SEMA6D: variants seen among roughly 807,000 people sequenced by gnomAD.
SEMA6D encodes semaphorin 6D.
In SEMA6D, 35 loss-of-function variants were observed where a neutral mutation model predicts 106.6. The ratio of observed to expected loss-of-function variants is 0.33; its 90% CI spans 0.25 to 0.44. The LOEUF (loss-of-function observed/expected upper bound fraction) is 0.44. Among genes scored for constraint, SEMA6D ranks in the 20% least tolerant of loss-of-function variants. The probability of loss-of-function intolerance (pLI) is 1.00; values close to 1 mark genes in which losing one functional copy is unlikely to be tolerated. For missense variants in SEMA6D, 1,185 were observed against 1,345.9 expected, an observed-to-expected ratio of 0.88 and a Z score of 1.87; for synonymous variants, 499 against 487.7, an observed-to-expected ratio of 1.02 and a Z score of -0.31.
chr15:47,249,765 T>C (rs899514688), intron 1 of SEMA6D, among the ~76,000 whole-genome samples: 3 of 152,160 alleles, frequency 2.0e-5, no homozygotes, highest in African/African-American at 7.2e-5. Flanking sequence ...GGAAAAATAT[T>C]CTGTGAGCAG....
intron 4 of SEMA6D, among the ~76,000 whole-genome samples, chr15:47,690,668 G>A (rs2078566651): frequency 6.6e-6 from 1 of 152,120 alleles, no homozygotes; most frequent in African/African-American, 2.4e-5. Flanking sequence ...AGTTCCCAGT[G>A]TCAAAAATTT....
At chr15:47,649,509 G>T (rs2077645230) in intron 4 of SEMA6D, among the ~76,000 whole-genome samples, 1 of 152,138 alleles carries the variant, frequency 6.6e-6, no homozygotes. Flanking sequence ...AGGTGTTGTG[G>T]CATGTGCCTG....
At chr15:47,720,235 G>T (rs536941655) in intron 1 of SEMA6D, among the ~76,000 whole-genome samples, 11 of 140,416 alleles carry the variant, frequency 7.8e-5, no homozygotes, top group African/African-American at 2.6e-4. Context: ...CTTATTCCTC[G>T]TAGGGATGCT....
intron 1 of SEMA6D, among the ~76,000 whole-genome samples, chr15:47,367,993 G>A (rs2039124491): frequency 6.6e-6 from 1 of 151,268 alleles, no homozygotes; most frequent in Non-Finnish European, 1.5e-5. Flanking sequence ...AGAACATTTG[G>A]TGTGTGACTT....
chr15:47,332,713 A>G (rs2037390416), intron 1 of SEMA6D, among the ~76,000 whole-genome samples: 2 of 152,174 alleles, frequency 1.3e-5, no homozygotes. Flanking sequence ...CCTGGCCGTG[A>G]TCTTAAGAGC....
At chr15:47,595,551 T>C (rs1362035542) in intron 3 of SEMA6D, among the ~76,000 whole-genome samples, 1 of 152,206 alleles carries the variant, frequency 6.6e-6, no homozygotes, top group Non-Finnish European at 1.5e-5. Flanking sequence ...TTTTCTTTTA[T>C]TGTAATGTCT....
At chr15:47,227,882 C>CATATATATTTTATATATATATGAATCTT (rs2031855777) in intron 1 of SEMA6D, among the ~76,000 whole-genome samples, 1 of 100,172 alleles carries the variant, frequency 1.0e-5, no homozygotes, top group African/African-American at 4.6e-5. Context: ...ATATAAGAAT[C>CATATATATTTTATATATATATGAATCTT]ATATATATTT....
At chr15:47,726,225 G>T (rs1487642385) in intron 1 of SEMA6D, among the ~76,000 whole-genome samples, 1 of 152,252 alleles carries the variant, frequency 6.6e-6, no homozygotes, top group Non-Finnish European at 1.5e-5. Context: ...ATGTGCCATG[G>T]CACAGTGCCT....
chr15:47,377,677 A>G (rs955393386), intron 1 of SEMA6D, among the ~76,000 whole-genome samples: 1 of 152,230 alleles, frequency 6.6e-6, no homozygotes, highest in Non-Finnish European at 1.5e-5. Flanking sequence ...TGGCTGAGTC[A>G]GAAGCAGGAA....
chr15:47,315,101 C>T (rs1462477657), intron 1 of SEMA6D, among the ~76,000 whole-genome samples: 3 of 151,684 alleles, frequency 2.0e-5, no homozygotes, highest in Non-Finnish European at 2.9e-5. Flanking sequence ...CTCCTGACCT[C>T]GTGATCCGCC....
chr15:47,760,529 T>G (rs1271118800), intron 3 of SEMA6D, 114 bp downstream of exon 3: 1 of 754,728 alleles, frequency 1.3e-6, no homozygotes, highest in East Asian at 2.7e-5. Flanking sequence ...AAATTGCAAG[T>G]AGCCAGAAAT....
At chr15:47,483,320 G>C (rs1236526029) in intron 3 of SEMA6D, among the ~76,000 whole-genome samples, 1 of 152,160 alleles carries the variant, frequency 6.6e-6, no homozygotes, top group African/African-American at 2.4e-5. Context: ...TAGGAGACCA[G>C]AGACTGATCA....
chr15:47,330,188 C>T (rs752938264), intron 1 of SEMA6D, among the ~76,000 whole-genome samples: 5 of 152,034 alleles, frequency 3.3e-5, no homozygotes, highest in African/African-American at 1.2e-4. Flanking sequence ...CTTGGTCTTG[C>T]CTAGGACTGA....
chr15:47,368,791 T>A (rs2039159100), intron 1 of SEMA6D, among the ~76,000 whole-genome samples: 1 of 152,224 alleles, frequency 6.6e-6, no homozygotes, highest in Non-Finnish European at 1.5e-5. Context: ...TGGAGAGTCA[T>A]CTGATCAAAA....
At chr15:47,529,138 T>C (rs1304688199) in intron 3 of SEMA6D, among the ~76,000 whole-genome samples, 2 of 152,288 alleles carry the variant, frequency 1.3e-5, no homozygotes, top group African/African-American at 2.4e-5. Flanking sequence ...AAGAAAATTA[T>C]TAAGAAAAGC....
At chr15:47,636,976 T>A (rs1244498277) in intron 4 of SEMA6D, among the ~76,000 whole-genome samples, 2 of 152,062 alleles carry the variant, frequency 1.3e-5, no homozygotes, top group African/African-American at 4.8e-5. Context: ...CCTGATGAAA[T>A]TTGTGTTTTT....
At chr15:47,504,794 G>A (rs1359251075) in intron 3 of SEMA6D, among the ~76,000 whole-genome samples, 1 of 152,224 alleles carries the variant, frequency 6.6e-6, no homozygotes, top group Non-Finnish European at 1.5e-5. Flanking sequence ...AGAGGAAGAG[G>A]CTAATTTGGA....
At chr15:47,664,849 T>C (rs970691052) in intron 4 of SEMA6D, among the ~76,000 whole-genome samples, 1 of 152,180 alleles carries the variant, frequency 6.6e-6, no homozygotes, top group Non-Finnish European at 1.5e-5. Context: ...CTGCATGCAG[T>C]TCATAGTCTC....
chr15:47,362,219 C>A (rs585640), intron 1 of SEMA6D, among the ~76,000 whole-genome samples: 136,034 of 151,960 alleles, frequency 0.9, 61,243 homozygotes, highest in African/African-American at 0.97. Flanking sequence ...CTACATAGTC[C>A]TGTGGAAATC....
Sources: gnomAD v4.1 joint callset for allele counts (sites outside exome capture counted in the v4.1 genomes callset) on GRCh38, gnomAD v4.1.1 for gene constraint, MANE v1.5 for transcripts, NCBI Gene and HGNC (gene_info 2026-07-23, HGNC 2026-07-21) for gene names.